LDLRAD3: variants seen among roughly 807,000 people sequenced by gnomAD.
LDLRAD3 encodes the protein low density lipoprotein receptor class A domain containing 3, also known as low-density lipoprotein receptor class A domain-containing protein 3.
A neutral mutation model predicts 29.4 loss-of-function variants in LDLRAD3; 20 were observed. That is an observed-to-expected ratio of 0.68 (90% CI 0.48 to 0.99). LDLRAD3 has a LOEUF of 0.99. LDLRAD3 is among the 50% of genes least tolerant of loss of function. The probability of loss-of-function intolerance (pLI) is 0.00; values close to 1 mark genes in which losing one functional copy is unlikely to be tolerated. For synonymous variants in LDLRAD3, 157 were observed against 192.7 expected (o/e 0.81, Z 1.53); for missense variants, 420 against 454.3 (o/e 0.92, Z 0.69).
chr11:36,079,024 A>G (rs986707280), intron 2 of LDLRAD3, among the ~76,000 whole-genome samples: 7 of 152,136 alleles, frequency 4.6e-5, no homozygotes, highest in African/African-American at 1.7e-4. Context: ...GGATCCTACC[A>G]GGCCGTGTGA....
chr11:36,038,097 C>A (rs1275029777), intron 2 of LDLRAD3, among the ~76,000 whole-genome samples: 1 of 152,108 alleles, frequency 6.6e-6, no homozygotes, highest in Admixed American at 6.5e-5. Flanking sequence ...CAGAGTTTCA[C>A]CACGTTGCCC....
chr11:36,212,193 C>G (rs1855291438), intron 4 of LDLRAD3, among the ~76,000 whole-genome samples: 1 of 152,140 alleles, frequency 6.6e-6, no homozygotes, highest in South Asian at 2.1e-4. Context: ...CCACTCGATG[C>G]AGAGGAGGCA....
rs573561373 is a variant in LDLRAD3, at chr11:36,227,505, G to A, written c.800+75G>A. ...GGAGGGGAATAGGTGCACACACTGAGGTTCTTAGGTCTTGCCAAGAGCCTG... is the reference window on the plus strand; with the variant it reads ...GGAGGGGAATAGGTGCACACACTGAAGTTCTTAGGTCTTGCCAAGAGCCTG... On this transcript the variant is annotated intron_variant, in intron 5 of 5. Transcript: ENST00000315571. The A allele has an allele frequency of 2.9e-5, 33 of 1,146,524 alleles. No individual in the cohort carries two copies. The East Asian group carries it at 8.0e-4, about 28-fold the overall frequency. 71.0% of individuals were successfully genotyped at this position (1,146,524 alleles called of 1,614,324 possible).
chr11:36,221,798 C>T (rs1312990523), intron 4 of LDLRAD3, among the ~76,000 whole-genome samples: 1 of 152,194 alleles, frequency 6.6e-6, no homozygotes, highest in East Asian at 1.9e-4. Flanking sequence ...AGCATCTATT[C>T]CCCTTCCTGG....
At chr11:36,015,223 G>A (rs1173821424) in intron 1 of LDLRAD3, among the ~76,000 whole-genome samples, 1 of 152,162 alleles carries the variant, frequency 6.6e-6, no homozygotes, top group East Asian at 1.9e-4. Flanking sequence ...GCCATTTTGG[G>A]CATTGCAGAA....
intron 4 of LDLRAD3, among the ~76,000 whole-genome samples, chr11:36,140,738 G>A (rs1854069611): frequency 6.6e-6 from 1 of 152,080 alleles, no homozygotes; most frequent in Non-Finnish European, 1.5e-5. Flanking sequence ...CACTTTAAAA[G>A]CATATGGAAA....
intron 1 of LDLRAD3, chr11:35,967,739 T>C: frequency 4.2e-6 from 2 of 475,158 alleles, no homozygotes. Context: ...AAGGGAAATC[T>C]GTAGAAGGAT....
chr11:36,223,626 G>A (rs570204551), intron 4 of LDLRAD3, among the ~76,000 whole-genome samples: 25 of 152,074 alleles, frequency 1.6e-4, no homozygotes, highest in Admixed American at 1.0e-3. Flanking sequence ...CCACTGAGAC[G>A]GGAAGGTGGC....
intron 4 of LDLRAD3, among the ~76,000 whole-genome samples, chr11:36,124,839 G>A (rs1240170219): frequency 6.6e-6 from 1 of 151,946 alleles, no homozygotes; most frequent in African/African-American, 2.4e-5. Flanking sequence ...TTACAGGCTT[G>A]TGCCACCATG....
intron 1 of LDLRAD3, among the ~76,000 whole-genome samples, chr11:35,959,325 CCAAT>C (rs1207896121): frequency 1.3e-5 from 2 of 152,156 alleles, no homozygotes; most frequent in Non-Finnish European, 2.9e-5. Context: ...TCTTCAACTC[CCAAT>C]CAGAGAATTA....
rs375997319 is a variant in LDLRAD3 at position 35,963,433 on chromosome 11, GT to G, written c.46+19302del. 2.3e-3 allele frequency among the ~76,000 whole-genome samples: 332 copies of G among 144,362 alleles called. 1 individual carries two copies. The highest frequency in any genetic ancestry group is 6.5e-3 in the African/African-American group (258 of 39,486). 94.7% of individuals were successfully genotyped at this position (144,362 alleles called of 152,430 possible). On this transcript the variant is annotated intron_variant, in intron 1 of 5. Coordinates refer to ENST00000315571, the MANE Select transcript of LDLRAD3 (RefSeq NM_174902.4). The stretch of plus-strand genomic sequence containing the variant: ...CTCTCCCAGTTCTGTGTGTGTGTGT[GT>G]TTTTTTTTTTTTAACACGTTGTTAC...
At chr11:36,126,741 A>T (rs1853843952) in intron 4 of LDLRAD3, among the ~76,000 whole-genome samples, 1 of 152,196 alleles carries the variant, frequency 6.6e-6, no homozygotes, top group Non-Finnish European at 1.5e-5. Flanking sequence ...GTTATTTGGT[A>T]TGTCTGTGGC....
intron 1 of LDLRAD3, among the ~76,000 whole-genome samples, chr11:36,015,306 T>TCCCCCCCCCCCCCCCCCCCC (rs11347924): frequency 9.1e-5 from 8 of 87,718 alleles, no homozygotes; most frequent in East Asian, 3.3e-4. Flanking sequence ...GACATGCCAT[T>TCCCCCCCCCCCCCCCCCCCC]CCCCCCCCCC....
chr11:36,084,358 G>A (rs908035693), intron 3 of LDLRAD3, among the ~76,000 whole-genome samples: 9 of 152,122 alleles, frequency 5.9e-5, no homozygotes, highest in African/African-American at 9.7e-5. Context: ...TGGGGCACCC[G>A]TCTTAACCCT....
intron 3 of LDLRAD3, among the ~76,000 whole-genome samples, chr11:36,093,258 CA>C (rs1853310812): frequency 6.6e-6 from 1 of 152,158 alleles, no homozygotes; most frequent in Non-Finnish European, 1.5e-5. Context: ...GCATTCCCAA[CA>C]TCCAGTTTCA....
chr11:36,157,092 C>T (rs1336095804), intron 4 of LDLRAD3, among the ~76,000 whole-genome samples: 1 of 152,150 alleles, frequency 6.6e-6, no homozygotes, highest in Non-Finnish European at 1.5e-5. Flanking sequence ...GCAATTTAAA[C>T]AATTCTATTA....
At chr11:36,202,470 C>T (rs1855141439) in intron 4 of LDLRAD3, among the ~76,000 whole-genome samples, 1 of 152,218 alleles carries the variant, frequency 6.6e-6, no homozygotes, top group African/African-American at 2.4e-5. Flanking sequence ...TGACATGCAT[C>T]TTTCATCTTC....
intron 1 of LDLRAD3, among the ~76,000 whole-genome samples, chr11:36,013,232 C>G (rs921786379): frequency 6.6e-5 from 10 of 152,184 alleles, no homozygotes; most frequent in African/African-American, 2.4e-4. Flanking sequence ...AGCAGGGCTT[C>G]TTAGCCTCTC....
rs1257818449 is a variant in LDLRAD3, at chr11:36,231,012, G to A, written c.*1615G>A. 1 of 152,534 alleles carries A rather than the reference G, an allele frequency of 6.6e-6. No homozygotes were observed. Among genetic ancestry groups the A allele is most frequent in the Non-Finnish European group, 1.5e-5 (1 of 68,058 alleles). 9.4% of individuals were successfully genotyped at this position (152,534 alleles called of 1,614,324 possible). A position where few individuals can be genotyped will look rare whatever the true frequency, so the allele number is the denominator to read the frequency against. ...GGCCCGCCTCCCTGCAGGAATAAGGGGTAAAACGTTAGGTGTTGTTTGGCA... is the reference window on the plus strand; with the variant it reads ...GGCCCGCCTCCCTGCAGGAATAAGGAGTAAAACGTTAGGTGTTGTTTGGCA... On this transcript the variant is annotated 3_prime_UTR_variant, in exon 6 of 6. Transcript: ENST00000315571.
Sources: allele counts gnomAD v4.1 joint callset (sites outside exome capture counted in the v4.1 genomes callset), GRCh38; gene constraint gnomAD v4.1.1; transcripts MANE v1.5; gene names NCBI Gene and HGNC (gene_info 2026-07-23, HGNC 2026-07-21).